CCDC57: variants seen among roughly 807,000 people sequenced by gnomAD.
The protein encoded by CCDC57 is coiled-coil domain containing 57.
A neutral mutation model predicts 118.9 loss-of-function variants in CCDC57; 118 were observed. The ratio of observed to expected loss-of-function variants is 0.99; its 90% CI spans 0.86 to 1.16. The LOEUF (loss-of-function observed/expected upper bound fraction) is 1.16, where lower values mean the gene tolerates loss of function less well. CCDC57 is among the 50% of genes most tolerant of loss of function. CCDC57 has a pLI of 0.00. For missense variants in CCDC57, 1,300 were observed against 1,320.7 expected (o/e 0.98, Z 0.24); for synonymous variants, 527 against 532.9 (o/e 0.99, Z 0.15).
At chr17:82,202,608 T>G (rs942316575) in intron 2 of CCDC57, among the ~76,000 whole-genome samples, 1 of 149,544 alleles carries the variant, frequency 6.7e-6, no homozygotes, top group African/African-American at 2.5e-5. Flanking sequence ...AAATTAGCCA[T>G]GCATGGTGGC....
chr17:82,109,793 C>G (rs2035118149), intron 19 of CCDC57, among the ~76,000 whole-genome samples: 1 of 151,714 alleles, frequency 6.6e-6, no homozygotes, highest in African/African-American at 2.4e-5. Flanking sequence ...GGAGGCGGAG[C>G]TTGCAGTGAG....
At position 82,188,213 on chromosome 17, in the gene CCDC57, G is replaced by A. The variant is rs4789729; in HGVS notation, c.1052+6C>T. 0.7 allele frequency: 1,079,428 copies of A among 1,541,362 alleles called. 382,247 individuals carry two copies. Among genetic ancestry groups the A allele is most frequent in the East Asian group, 0.94 (38,507 of 40,916 alleles). ...ACCCTCTGGGTGGAGCCAAGCACAC[G>A]CTCACTGGTCAATGGCAGCGTCCTT... On this transcript the variant is annotated splice_donor_region_variant and intron_variant, in intron 8 of 19. Coordinates refer to ENST00000665763, the Ensembl canonical transcript of CCDC57.
At chr17:82,175,875 C>G (rs538021169) in intron 11 of CCDC57, among the ~76,000 whole-genome samples, 1 of 152,320 alleles carries the variant, frequency 6.6e-6, no homozygotes, top group Admixed American at 6.5e-5. Context: ...AAACTCCTAT[C>G]GGTACTTGGT....
At chr17:82,151,339 A>T (rs1477237945) in intron 16 of CCDC57, among the ~76,000 whole-genome samples, 2 of 118,998 alleles carry the variant, frequency 1.7e-5, no homozygotes, top group African/African-American at 6.5e-5. Context: ...ACCCAGAACC[A>T]GGTGCACACC....
rs1363711392 is a variant in CCDC57, at chr17:82,183,792, G to A, written c.1193C>T (p.Ser398Phe). 1.9e-6 allele frequency: 3 copies of A among 1,570,300 alleles called. No individual in the cohort carries two copies. In the Admixed American group the frequency reaches 5.7e-5, roughly 30 times the overall value. ...CAGTTACCTTTCAATGTCCTGCTGG[G>A]ATCGGGCCACCTGTGCCTTGAGCTT... Residue 398 changes from serine (S) to phenylalanine (F), a missense_variant, in exon 9 of 20, where the codon TCC becomes TTC. Ser to Phe is a radical substitution (Grantham distance 155). Transcript: ENST00000665763.
chr17:82,204,607 C>A (rs1001162653), intron 2 of CCDC57, among the ~76,000 whole-genome samples: 1 of 152,148 alleles, frequency 6.6e-6, no homozygotes, highest in African/African-American at 2.4e-5. Flanking sequence ...CACGGTGAAA[C>A]CCCGTCTCTA....
chr17:82,188,718 G>A (rs935092591), intron 7 of CCDC57, among the ~76,000 whole-genome samples: 3 of 152,218 alleles, frequency 2.0e-5, no homozygotes, highest in Non-Finnish European at 4.4e-5. Context: ...GAAAGGAGGT[G>A]CATAGAGCAC....
At chr17:82,133,936 A>T in intron 17 of CCDC57, 137 bp downstream of exon 16, 1 of 840,290 alleles carries the variant, frequency 1.2e-6, no homozygotes, top group Non-Finnish European at 1.6e-6. Flanking sequence ...TTGAAATGTT[A>T]CTAATAACTA....
chr17:82,139,196 G>C (rs1370142777), intron 16 of CCDC57, among the ~76,000 whole-genome samples: 2 of 152,156 alleles, frequency 1.3e-5, no homozygotes, highest in African/African-American at 2.4e-5. Flanking sequence ...ACTTTGTCTA[G>C]AACTCTTTTT....
chr17:82,157,393 C>T, intron 15 of CCDC57: 4 of 1,178,862 alleles, frequency 3.4e-6, no homozygotes, highest in African/African-American at 1.6e-5. Context: ...CAGACGCCCC[C>T]TCAGCAGGCC....
At chr17:82,209,067 T>C (rs1209271586) in intron 1 of CCDC57, among the ~76,000 whole-genome samples, 2 of 152,168 alleles carry the variant, frequency 1.3e-5, no homozygotes, top group Non-Finnish European at 2.9e-5. Context: ...ACAAAAATTA[T>C]GTACCTGTGA....
intron 5 of CCDC57, 48 bp downstream of exon 4, chr17:82,195,215 C>T (rs1409223683): frequency 2.1e-6 from 3 of 1,417,274 alleles, no homozygotes. Context: ...CACACCTGAC[C>T]AAGGAAAAAC....
intron 9 of CCDC57, among the ~76,000 whole-genome samples, chr17:82,180,710 C>T (rs369800656): frequency 2.2e-4 from 33 of 152,290 alleles, no homozygotes; most frequent in Admixed American, 9.2e-4. Context: ...CTCCTGACCT[C>T]GTGATCCGCC....
At chr17:82,161,788 G>A (rs9904237) in intron 14 of CCDC57, among the ~76,000 whole-genome samples, 70,686 of 151,444 alleles carry the variant, frequency 0.47, 17,281 homozygotes, top group East Asian at 0.88. Context: ...CTTCTATCTG[G>A]GGTGGGGAGA....
chr17:82,186,858 C>T (rs1480768905), intron 8 of CCDC57, among the ~76,000 whole-genome samples: 1 of 152,088 alleles, frequency 6.6e-6, no homozygotes, highest in Admixed American at 6.6e-5. Flanking sequence ...GGGAGGATCA[C>T]TTGAGCCCAT....
intron 16 of CCDC57, among the ~76,000 whole-genome samples, chr17:82,147,245 G>C (rs1034614020): frequency 7.2e-6 from 1 of 138,172 alleles, no homozygotes; most frequent in Admixed American, 7.8e-5. Flanking sequence ...TGGATGAATG[G>C]ATAGATGGAT....
At chr17:82,141,177 ATTTTTTTT>A (rs56298520) in intron 16 of CCDC57, among the ~76,000 whole-genome samples, 3 of 121,498 alleles carry the variant, frequency 2.5e-5, no homozygotes, top group Non-Finnish European at 1.7e-5. Context: ...CGCCCGGCTA[ATTTTTTTT>A]TTTTTTTTTT....
intron 9 of CCDC57, among the ~76,000 whole-genome samples, chr17:82,180,918 C>T (rs1462149666): frequency 3.3e-5 from 5 of 152,226 alleles, no homozygotes; most frequent in Admixed American, 6.5e-5. Context: ...ACAGAGCGAA[C>T]GATGAACACA....
In CCDC57 at chr17:82,192,690, C is replaced by A. The variant is rs574551489; in HGVS notation, c.851+1066G>T. ...AACCCGGATGGGTGCCCTCACAATGCGAGCCAGCTGAGGGCACAACCCTCT... is the reference window on the plus strand; with the variant it reads ...AACCCGGATGGGTGCCCTCACAATGAGAGCCAGCTGAGGGCACAACCCTCT... On this transcript the variant is annotated intron_variant, in intron 7 of 19. Transcript: ENST00000665763. This position sits in a 1 kb window ranked among gnomAD's most constrained non-coding sequence, Gnocchi z 4.0. 2.6e-5 allele frequency among the ~76,000 whole-genome samples: 4 copies of A among 152,266 alleles called. No homozygotes were observed. The South Asian group carries it at 8.3e-4, about 32-fold the overall frequency.
Sources: gnomAD v4.1 joint callset for allele counts (sites outside exome capture counted in the v4.1 genomes callset) on GRCh38, gnomAD v4.1.1 for gene constraint, Gnocchi (gnomAD v3.1) non-coding constraint, MANE v1.5 for transcripts, NCBI Gene and HGNC (gene_info 2026-07-23, HGNC 2026-07-21) for gene names.